The following DPP10 variants were observed in gnomAD, a reference collection of about 807,000 sequenced individuals.
The protein encoded by DPP10 is dipeptidyl peptidase like 10, also known as inactive dipeptidyl peptidase 10.
In DPP10, 33 loss-of-function variants were observed where a neutral mutation model predicts 120.9. The ratio of observed to expected loss-of-function variants is 0.27; its 90% CI spans 0.21 to 0.37. The LOEUF (loss-of-function observed/expected upper bound fraction) is 0.37, where lower values mean the gene tolerates loss of function less well. Among genes scored for constraint, DPP10 ranks in the 10% least tolerant of loss-of-function variants. The pLI, the probability that DPP10 is intolerant of heterozygous loss-of-function variation, is 1.00. For synonymous variants in DPP10, 337 were observed against 326.1 expected, an observed-to-expected ratio of 1.03 and a Z score of -0.36; for missense variants, 816 against 942.8, an observed-to-expected ratio of 0.87 and a Z score of 1.76.
At chr2:114,947,382 TG>T (rs1210066831) in intron 1 of DPP10, among the ~76,000 whole-genome samples, 1 of 151,744 alleles carries the variant, frequency 6.6e-6, no homozygotes, top group Non-Finnish European at 1.5e-5. Context: ...AATCTCTTGG[TG>T]TTTTTTTTTT....
At chr2:114,935,849 C>CT (rs1199104222) in intron 1 of DPP10, among the ~76,000 whole-genome samples, 1 of 147,382 alleles carries the variant, frequency 6.8e-6, no homozygotes, top group Non-Finnish European at 1.5e-5. Flanking sequence ...GCACATTAAA[C>CT]TAAAAAACTG....
At chr2:114,593,572 G>A (rs1691636626) in intron 1 of DPP10, among the ~76,000 whole-genome samples, 1 of 152,202 alleles carries the variant, frequency 6.6e-6, no homozygotes, top group South Asian at 2.1e-4. Flanking sequence ...ATCGCAGTCG[G>A]TCTTTTAAAA....
chr2:115,034,398 A>G (rs895583731), intron 1 of DPP10, among the ~76,000 whole-genome samples: 1 of 152,092 alleles, frequency 6.6e-6, no homozygotes, highest in East Asian at 1.9e-4. Flanking sequence ...CTAAATTTCT[A>G]TCTCTAGCCC....
chr2:114,542,049 C>CTTT (rs34131903), intron 1 of DPP10, among the ~76,000 whole-genome samples: 3 of 141,564 alleles, frequency 2.1e-5, no homozygotes, highest in Non-Finnish European at 3.0e-5. Flanking sequence ...TCTTTCTTTC[C>CTTT]TTTTTTTTTT....
intron 5 of DPP10, chr2:115,526,182 C>A: frequency 2.1e-6 from 1 of 481,784 alleles, no homozygotes; most frequent in South Asian, 2.9e-5. Context: ...GGACAGTTTG[C>A]CCAGTGCCTG....
At position 114,942,400 on chromosome 2, in the gene DPP10, C is replaced by CATATATATATATATAT. The variant is rs1489821887; in HGVS notation, c.61-366838_61-366837insTATATATATATATATA. ...ACACATATATATATATACACACACA[C>CATATATATATATATAT]ACATATATATATATATATATATGAT... On this transcript the variant is annotated intron_variant, in intron 1 of 25. Transcript: ENST00000410059. 7.0e-5 allele frequency among the ~76,000 whole-genome samples: 7 copies of CATATATATATATATAT among 99,382 alleles called. No homozygotes were observed. The East Asian group carries it at 1.7e-3, about 24-fold the overall frequency. 65.2% of individuals were successfully genotyped at this position (99,382 alleles called of 152,430 possible).
chr2:115,391,932 G>GT (rs1304022164), intron 3 of DPP10, among the ~76,000 whole-genome samples: 2 of 152,064 alleles, frequency 1.3e-5, no homozygotes, highest in African/African-American at 2.4e-5. Flanking sequence ...TGATTTGTTT[G>GT]TTACCAGAAC....
intron 1 of DPP10, among the ~76,000 whole-genome samples, chr2:114,634,459 A>G (rs1418066698): frequency 2.6e-5 from 4 of 151,792 alleles, no homozygotes; most frequent in Non-Finnish European, 5.9e-5. Flanking sequence ...ACACATGGCC[A>G]CAGAGTGGAG....
intron 1 of DPP10, among the ~76,000 whole-genome samples, chr2:114,481,387 C>A (rs80199920): frequency 0.03 from 4,583 of 152,114 alleles, 79 homozygotes; most frequent in Middle Eastern, 0.075. Context: ...ACCCCTATCA[C>A]AAAGCCTAAA....
At chr2:114,868,767 C>T (rs1471489617) in intron 1 of DPP10, among the ~76,000 whole-genome samples, 2 of 152,022 alleles carry the variant, frequency 1.3e-5, no homozygotes, top group Non-Finnish European at 2.9e-5. Flanking sequence ...AATGGAAGTA[C>T]AAAAACAATT....
At chr2:114,599,627 T>C (rs1014189522) in intron 1 of DPP10, among the ~76,000 whole-genome samples, 2 of 151,796 alleles carry the variant, frequency 1.3e-5, no homozygotes, top group Non-Finnish European at 2.9e-5. Context: ...TTAAAATCTA[T>C]CCACTTGTTT....
rs759393443 is a variant in DPP10, at chr2:114,881,598, G to GTCTGTCTA, written c.61-427638_61-427637insGTCTATCT. The stretch of plus-strand genomic sequence containing the variant: ...TATCTATCTGTCTGTCTGTCTGTCT[G>GTCTGTCTA]TCTATCTATCTATCTATCTATCTAT... On this transcript the variant is annotated intron_variant, in intron 1 of 25. Coordinates refer to ENST00000410059, the MANE Select transcript of DPP10 (RefSeq NM_020868.6). Among the ~76,000 whole-genome samples, 348 of 141,158 alleles carry GTCTGTCTA rather than the reference G, an allele frequency of 2.5e-3. 2 individuals are homozygous for GTCTGTCTA. Among genetic ancestry groups the GTCTGTCTA allele is most frequent in the South Asian group, 0.011 (51 of 4,438 alleles). 92.6% of individuals were successfully genotyped at this position (141,158 alleles called of 152,430 possible). A position where few individuals can be genotyped will look rare whatever the true frequency, so the allele number is the denominator to read the frequency against.
intron 1 of DPP10, among the ~76,000 whole-genome samples, chr2:114,517,916 A>G (rs558625230): frequency 1.3e-5 from 2 of 152,314 alleles, no homozygotes; most frequent in Non-Finnish European, 1.5e-5. Context: ...CAATGTTTCT[A>G]TAGGCAGTCA....
chr2:114,799,653 G>A (rs1189978118), intron 1 of DPP10, among the ~76,000 whole-genome samples: 1 of 152,182 alleles, frequency 6.6e-6, no homozygotes, highest in Non-Finnish European at 1.5e-5. Context: ...GTTCGTCTGT[G>A]ATCAGTGGCA....
At chr2:115,120,491 A>G (rs998500832) in intron 1 of DPP10, among the ~76,000 whole-genome samples, 3 of 152,142 alleles carry the variant, frequency 2.0e-5, no homozygotes, top group Non-Finnish European at 4.4e-5. Context: ...GAGGGTAGAG[A>G]TGTCAAAACA....
chr2:115,495,666 T>C (rs1170775916), intron 3 of DPP10, among the ~76,000 whole-genome samples: 1 of 152,090 alleles, frequency 6.6e-6, no homozygotes, highest in Non-Finnish European at 1.5e-5. Context: ...AGCCAAATTA[T>C]GGGAAAAAAA....
At chr2:114,657,938 C>T (rs1005124042) in intron 1 of DPP10, among the ~76,000 whole-genome samples, 1 of 152,094 alleles carries the variant, frequency 6.6e-6, no homozygotes, top group African/African-American at 2.4e-5. Context: ...TACAGTCCAA[C>T]CTACGCATGT....
At chr2:115,343,957 T>C (rs1177191387) in intron 3 of DPP10, 45 bp downstream of exon 3, 2 of 1,485,606 alleles carry the variant, frequency 1.3e-6, no homozygotes, top group Non-Finnish European at 1.8e-6. Context: ...TTGAGTTCTG[T>C]ATAATTAAAA....
intron 1 of DPP10, among the ~76,000 whole-genome samples, chr2:114,942,198 G>A (rs544809186): frequency 1.3e-5 from 2 of 149,828 alleles, no homozygotes; most frequent in East Asian, 2.0e-4. Flanking sequence ...GCGTGAACCC[G>A]GCAGGTGGAG....
Sources: gnomAD v4.1 joint callset for allele counts (sites outside exome capture counted in the v4.1 genomes callset) on GRCh38, gnomAD v4.1.1 for gene constraint, MANE v1.5 for transcripts, NCBI Gene and HGNC (gene_info 2026-07-23, HGNC 2026-07-21) for gene names.